ERBB4: variants seen among roughly 807,000 people sequenced by gnomAD.
ERBB4 encodes the protein receptor tyrosine-protein kinase erbB-4.
Under a neutral mutation model 158.0 loss-of-function variants are expected in ERBB4, and 42 were observed. The ratio of observed to expected loss-of-function variants is 0.27; its 90% CI spans 0.21 to 0.34. ERBB4 has a LOEUF of 0.34. ERBB4 is among the 10% of genes least tolerant of loss of function. ERBB4 has a pLI of 1.00. For missense variants in ERBB4, 1,333 were observed against 1,624.1 expected (o/e 0.82, Z 3.08); for synonymous variants, 583 against 558.7 (o/e 1.04, Z -0.61).
chr2:211,389,564 A>G (rs1403101745), intron 25 of ERBB4, among the ~76,000 whole-genome samples: 1 of 152,176 alleles, frequency 6.6e-6, no homozygotes, highest in Non-Finnish European at 1.5e-5. Flanking sequence ...GTATTAGAAT[A>G]TTTATCTATT....
Position 212,214,748 on chromosome 2 carries a change from C to T in ERBB4, c.83-89845G>A, listed in dbSNP as rs116748410. Reference sequence around the variant, plus strand: ...AACTTATGACTTAATAATTCCACTCCTATATATAATCCCCAACAGAAATAT... The same window carrying T: ...AACTTATGACTTAATAATTCCACTCTTATATATAATCCCCAACAGAAATAT... On this transcript the variant is annotated intron_variant, in intron 1 of 27. Transcript: ENST00000342788. Among the ~76,000 whole-genome samples, 597 of 151,688 alleles carry T rather than the reference C, an allele frequency of 3.9e-3. 3 individuals are homozygous for T. Among genetic ancestry groups the T allele is most frequent in the African/African-American group, 0.014 (574 of 41,468 alleles).
chr2:212,246,281 GAATT>G (rs1320753510), intron 1 of ERBB4, among the ~76,000 whole-genome samples: 1 of 152,162 alleles, frequency 6.6e-6, no homozygotes, highest in African/African-American at 2.4e-5. Context: ...TTAAAAGCTT[GAATT>G]AATTGGATTA....
intron 20 of ERBB4, among the ~76,000 whole-genome samples, chr2:211,477,232 G>T (rs1184350307): frequency 6.6e-6 from 1 of 152,002 alleles, no homozygotes; most frequent in Non-Finnish European, 1.5e-5. Context: ...ACTCCAGCCT[G>T]CCAGCCCTAC....
intron 1 of ERBB4, among the ~76,000 whole-genome samples, chr2:212,283,969 T>C (rs1042740457): frequency 2.0e-5 from 3 of 152,090 alleles, no homozygotes; most frequent in African/African-American, 7.2e-5. Flanking sequence ...TGGCAAAACT[T>C]CTGTGTTATT....
At chr2:211,985,120 A>G (rs1447100245) in intron 2 of ERBB4, among the ~76,000 whole-genome samples, 4 of 152,178 alleles carry the variant, frequency 2.6e-5, no homozygotes, top group Admixed American at 2.6e-4. Context: ...ACTGACAAAC[A>G]TTTCGGTTTT....
intron 3 of ERBB4, among the ~76,000 whole-genome samples, chr2:211,859,639 T>A (rs2077962270): frequency 1.3e-5 from 2 of 152,176 alleles, no homozygotes; most frequent in African/African-American, 2.4e-5. Flanking sequence ...GACTTTGTAG[T>A]GAAACAATTC....
intron 3 of ERBB4, among the ~76,000 whole-genome samples, chr2:211,939,377 G>C: frequency 6.6e-6 from 1 of 151,618 alleles, no homozygotes; most frequent in Middle Eastern, 3.4e-3. Context: ...TTACAGGGCT[G>C]TGTCTGAAAC....
chr2:212,071,645 ATACTT>A lies in ERBB4; in HGVS notation c.234+53102_234+53106del, dbSNP rs761360168. Among the ~76,000 whole-genome samples the A allele has an allele frequency of 7.9e-5, 12 of 152,158 alleles. No individual in the cohort carries two copies. The South Asian group carries it at 2.1e-3, about 26-fold the overall frequency. On this transcript the variant is annotated intron_variant, in intron 2 of 27. Transcript: ENST00000342788. ...TCAAAATATTTATTCACGAGAAAGA[ATACTT>A]TAACAACAGATGTACAAAGTATCTC...
rs531383910 is a variant in ERBB4, at chr2:211,807,780, A to G, written c.422-19621T>C. On this transcript the variant is annotated intron_variant, in intron 3 of 27. Coordinates refer to ENST00000342788, the MANE Select transcript of ERBB4 (RefSeq NM_005235.3). ...GTTCCTATTTCTTCACATACTCTCC[A>G]GCATCTGTTGTTTCCTGACTTTTTA... 1.6e-3 allele frequency among the ~76,000 whole-genome samples: 246 copies of G among 152,298 alleles called. 1 individual carries two copies. Among genetic ancestry groups the G allele is most frequent in the African/African-American group, 5.5e-3 (230 of 41,560 alleles).
chr2:212,498,079 AAAC>A (rs144895783), intron 1 of ERBB4, among the ~76,000 whole-genome samples: 28,017 of 151,920 alleles, frequency 0.18, 3,159 homozygotes, highest in Non-Finnish European at 0.26. Context: ...TCCTACAGGG[AAAC>A]AAAAGCCTTT....
intron 1 of ERBB4, among the ~76,000 whole-genome samples, chr2:212,359,056 A>T (rs1332845016): frequency 6.6e-6 from 1 of 151,752 alleles, no homozygotes; most frequent in African/African-American, 2.4e-5. Context: ...AGGATGAGGG[A>T]AAATAAACCA....
At chr2:212,040,237 A>T (rs2077106502) in intron 2 of ERBB4, among the ~76,000 whole-genome samples, 1 of 152,022 alleles carries the variant, frequency 6.6e-6, no homozygotes, top group Non-Finnish European at 1.5e-5. Context: ...GTACTTTTTA[A>T]GTAGTTTATA....
intron 1 of ERBB4, among the ~76,000 whole-genome samples, chr2:212,533,563 A>T (rs1421977582): frequency 6.6e-6 from 1 of 152,210 alleles, no homozygotes. Flanking sequence ...GAAGACATAC[A>T]GTTTCAGGAA....
At chr2:211,397,614 G>T (rs2062947726) in intron 25 of ERBB4, among the ~76,000 whole-genome samples, 1 of 152,120 alleles carries the variant, frequency 6.6e-6, no homozygotes, top group Non-Finnish European at 1.5e-5. Flanking sequence ...AAGGACAGCC[G>T]AGGTGAAACT....
At chr2:212,270,788 G>C (rs1187586800) in intron 1 of ERBB4, among the ~76,000 whole-genome samples, 3 of 151,708 alleles carry the variant, frequency 2.0e-5, no homozygotes, top group African/African-American at 7.3e-5. Flanking sequence ...GGGAAATGAA[G>C]AAAGAGAGAA....
rs549308559 is a variant in ERBB4 at position 211,489,776 on chromosome 2, T to TTCAC, written c.2488-58677_2488-58676insGTGA. On this transcript the variant is annotated intron_variant, in intron 20 of 27. Transcript: ENST00000342788. ...AAGCTATGCAGTACTAATGTATTCATTCATTCATTCATTCATTTATTCAGC... is the reference window on the plus strand; with the variant it reads ...AAGCTATGCAGTACTAATGTATTCATTCACTCATTCATTCATTCATTTATTCAGC... 3.3e-3 allele frequency among the ~76,000 whole-genome samples: 501 copies of TTCAC among 152,056 alleles called. 1 individual carries two copies. The highest frequency in any genetic ancestry group is 5.6e-3 in the Admixed American group (85 of 15,230).
At chr2:211,451,224 G>A (rs1300866930) in intron 20 of ERBB4, among the ~76,000 whole-genome samples, 1 of 152,176 alleles carries the variant, frequency 6.6e-6, no homozygotes, top group East Asian at 1.9e-4. Flanking sequence ...AATGCAAAAT[G>A]CTAGAATGGC....
intron 3 of ERBB4, among the ~76,000 whole-genome samples, chr2:211,898,450 C>G (rs1333361305): frequency 6.6e-6 from 1 of 152,098 alleles, no homozygotes. Flanking sequence ...AGATTTTCTT[C>G]AAGTGTCTAT....
chr2:212,299,163 A>T (rs905037084), intron 1 of ERBB4, among the ~76,000 whole-genome samples: 3 of 151,670 alleles, frequency 2.0e-5, no homozygotes, highest in Non-Finnish European at 3.0e-5. Context: ...TCACACACAG[A>T]CAATAATACA....
Sources: gnomAD v4.1 joint callset for allele counts (sites outside exome capture counted in the v4.1 genomes callset) on GRCh38, gnomAD v4.1.1 for gene constraint, MANE v1.5 for transcripts, NCBI Gene and HGNC (gene_info 2026-07-23, HGNC 2026-07-21) for gene names.